The following TEAD1 variants were observed in gnomAD, a reference collection of about 807,000 sequenced individuals.
The protein encoded by TEAD1 is TEA domain transcription factor 1.
A neutral mutation model predicts 54.9 loss-of-function variants in TEAD1; 9 were observed. That is an observed-to-expected ratio of 0.16 (90% confidence interval 0.10 to 0.29). TEAD1 has a LOEUF of 0.29. TEAD1 is among the 10% of genes least tolerant of loss of function. The probability of loss-of-function intolerance (pLI) is 1.00; values close to 1 mark genes in which losing one functional copy is unlikely to be tolerated. For synonymous variants in TEAD1, 200 were observed against 187.8 expected (o/e 1.07, Z -0.53); for missense variants, 387 against 535.9 (o/e 0.72, Z 2.74).
intron 3 of TEAD1, among the ~76,000 whole-genome samples, chr11:12,769,442 A>G (rs1231417871): frequency 6.6e-6 from 1 of 152,256 alleles, no homozygotes; most frequent in Non-Finnish European, 1.5e-5. Context: ...TGTATTGATT[A>G]GTCAGTACAG....
chr11:12,688,866 C>G (rs893322117), intron 2 of TEAD1, among the ~76,000 whole-genome samples: 1 of 152,196 alleles, frequency 6.6e-6, no homozygotes, highest in Non-Finnish European at 1.5e-5. Context: ...TTTCTCAGTT[C>G]AGGGTCCTGA....
At chr11:12,781,087 C>G (rs752279075) in intron 3 of TEAD1, among the ~76,000 whole-genome samples, 1 of 152,202 alleles carries the variant, frequency 6.6e-6, no homozygotes, top group Non-Finnish European at 1.5e-5. Flanking sequence ...TATACCAAGA[C>G]AATTCAATAG....
At chr11:12,746,015 C>T (rs747662518) in intron 2 of TEAD1, among the ~76,000 whole-genome samples, 1 of 152,196 alleles carries the variant, frequency 6.6e-6, no homozygotes, top group Non-Finnish European at 1.5e-5. Flanking sequence ...ACTCATAAAA[C>T]AGTTGCTAGG....
chr11:12,781,777 C>T (rs770892401), intron 3 of TEAD1, among the ~76,000 whole-genome samples: 5 of 151,312 alleles, frequency 3.3e-5, no homozygotes, highest in South Asian at 2.1e-4. Flanking sequence ...TTAAAAGACT[C>T]ACCATAGAGT....
intron 2 of TEAD1, among the ~76,000 whole-genome samples, chr11:12,686,472 T>G (rs1943336395): frequency 1.3e-5 from 2 of 152,184 alleles, no homozygotes; most frequent in South Asian, 2.1e-4. Context: ...TAAAAATAAT[T>G]CTCATCATTC....
intron 10 of TEAD1, among the ~76,000 whole-genome samples, chr11:12,914,125 T>C (rs1948667326): frequency 6.6e-6 from 1 of 152,242 alleles, no homozygotes; most frequent in Non-Finnish European, 1.5e-5. Flanking sequence ...GTGATATTAA[T>C]TGAATTTTTG....
At chr11:12,726,842 A>C (rs1944323272) in intron 2 of TEAD1, among the ~76,000 whole-genome samples, 1 of 152,182 alleles carries the variant, frequency 6.6e-6, no homozygotes, top group Admixed American at 6.5e-5. Context: ...TGTTTCAAAA[A>C]ACAAATGTAT....
At chr11:12,837,209 C>A (rs1425822621) in intron 3 of TEAD1, among the ~76,000 whole-genome samples, 1 of 152,204 alleles carries the variant, frequency 6.6e-6, no homozygotes, top group Non-Finnish European at 1.5e-5. Context: ...CTCTTCCTTT[C>A]TTGCCCACTT....
chr11:12,742,215 T>A (rs1446672248), intron 2 of TEAD1, among the ~76,000 whole-genome samples: 1 of 152,238 alleles, frequency 6.6e-6, no homozygotes, highest in East Asian at 1.9e-4. Context: ...GTGATGAACC[T>A]GGGTTTGAAT....
chr11:12,776,799 A>ATTG (rs1370077438), intron 3 of TEAD1, among the ~76,000 whole-genome samples: 2 of 117,874 alleles, frequency 1.7e-5, no homozygotes, highest in Non-Finnish European at 3.0e-5. Flanking sequence ...TATTATTATT[A>ATTG]TCATTATTAT....
intron 10 of TEAD1, among the ~76,000 whole-genome samples, chr11:12,920,622 T>C (rs536087875): frequency 1.3e-5 from 2 of 152,316 alleles, no homozygotes; most frequent in South Asian, 4.1e-4. Flanking sequence ...ACAGGTATTC[T>C]ACCACACCCA....
chr11:12,835,468 C>G (rs1306651053), intron 3 of TEAD1, among the ~76,000 whole-genome samples: 1 of 151,144 alleles, frequency 6.6e-6, no homozygotes, highest in African/African-American at 2.5e-5. Context: ...TGCCAGCACA[C>G]CCGGCTAATT....
At chr11:12,701,065 G>A (rs1248747775) in intron 2 of TEAD1, among the ~76,000 whole-genome samples, 1 of 152,166 alleles carries the variant, frequency 6.6e-6, no homozygotes, top group Non-Finnish European at 1.5e-5. Flanking sequence ...TTTGAATTTT[G>A]TGTTTGATTC....
chr11:12,809,308 A>G (rs557995782), intron 3 of TEAD1, among the ~76,000 whole-genome samples: 1 of 152,250 alleles, frequency 6.6e-6, no homozygotes, highest in Admixed American at 6.5e-5. Flanking sequence ...TCACCTTTAC[A>G]CAGTGATAGA....
chr11:12,773,020 A>G (rs186703370), intron 3 of TEAD1, among the ~76,000 whole-genome samples: 12 of 152,330 alleles, frequency 7.9e-5, no homozygotes, highest in Middle Eastern at 3.4e-3. Context: ...ATATAAATGG[A>G]ATCAGACTAC....
chr11:12,689,655 G>C (rs1230879200), intron 2 of TEAD1, among the ~76,000 whole-genome samples: 2 of 152,098 alleles, frequency 1.3e-5, no homozygotes, highest in Admixed American at 6.6e-5. Context: ...TTGAAGGAGG[G>C]GGTCAGGAGC....
intron 3 of TEAD1, among the ~76,000 whole-genome samples, chr11:12,854,992 C>T (rs989369756): frequency 2.0e-5 from 3 of 152,152 alleles, no homozygotes; most frequent in Non-Finnish European, 4.4e-5. Context: ...GGCCAGCTTC[C>T]GTAGGCCTCC....
At chr11:12,721,441 C>T (rs546949628) in intron 2 of TEAD1, among the ~76,000 whole-genome samples, 1 of 152,206 alleles carries the variant, frequency 6.6e-6, no homozygotes, top group Non-Finnish European at 1.5e-5. Flanking sequence ...GAAGGATGAT[C>T]TGCACACACC....
At chr11:12,904,347 T>C (rs1030006318) in intron 10 of TEAD1, among the ~76,000 whole-genome samples, 1 of 152,244 alleles carries the variant, frequency 6.6e-6, no homozygotes, top group Non-Finnish European at 1.5e-5. Flanking sequence ...ATTAGAATAC[T>C]GGGAAATTTG....
Sources: allele counts gnomAD v4.1 joint callset (sites outside exome capture counted in the v4.1 genomes callset), GRCh38; gene constraint gnomAD v4.1.1; transcripts MANE v1.5; gene names NCBI Gene and HGNC (gene_info 2026-07-23, HGNC 2026-07-21).